Variants in VWDE observed in about 807,000 individuals in gnomAD.
VWDE encodes the protein von Willebrand factor D and EGF domain-containing protein.
VWDE carries 207 observed loss-of-function variants against 178.4 expected under a neutral mutation model. The ratio of observed to expected loss-of-function variants is 1.16; its 90% CI spans 1.04 to 1.30. VWDE has a LOEUF of 1.30. Ranked by LOEUF, VWDE falls within the 50% of genes most tolerant of loss-of-function variation. The probability of loss-of-function intolerance (pLI) is 0.00; values close to 1 mark genes in which losing one functional copy is unlikely to be tolerated. For synonymous variants in VWDE, 738 were observed against 651.4 expected (o/e 1.13, Z -2.02); for missense variants, 2,287 against 1,901.3 (o/e 1.20, Z -3.77).
intron 17 of VWDE, among the ~76,000 whole-genome samples, chr7:12,356,605 C>T (rs73678108): frequency 0.017 from 2,593 of 152,156 alleles, 64 homozygotes; most frequent in African/African-American, 0.06. Context: ...TTCTGTCATG[C>T]AAGTAGAACA....
chr7:12,343,973 A>G (rs1283097945), intron 21 of VWDE, among the ~76,000 whole-genome samples: 37 of 152,122 alleles, frequency 2.4e-4, no homozygotes, highest in Admixed American at 2.4e-3. Flanking sequence ...AATAACAAAT[A>G]AGCTATTGCC....
chr7:12,359,654 T>G lies in VWDE; in HGVS notation c.3198A>C (p.Glu1066Asp), dbSNP rs887034673. ...VCIIDGLCYV[E>D]GDKNPTSPCL... ...AAGGGCTGGTTGGATTTTTGTCTCC[T>G]TCAACATAGCAGAGTCCATCAATAA... Residue 1066 changes from glutamate to aspartate, a missense_variant, in exon 16 of 29, where the codon GAA becomes GAC. Transcript: ENST00000275358. 6.5e-7 allele frequency: 1 copy of G among 1,550,316 alleles called. No individual in the cohort carries two copies. The highest frequency in any genetic ancestry group is 1.4e-5 in the African/African-American group (1 of 72,978).
chr7:12,356,713 T>A (rs922781698), intron 17 of VWDE, among the ~76,000 whole-genome samples: 1 of 152,228 alleles, frequency 6.6e-6, no homozygotes, highest in Non-Finnish European at 1.5e-5. Flanking sequence ...TAATATGGCA[T>A]AGAACGCAGC....
intron 13 of VWDE, among the ~76,000 whole-genome samples, chr7:12,362,903 T>C (rs1327673868): frequency 1.8e-3 from 280 of 152,242 alleles, no homozygotes; most frequent in Non-Finnish European, 3.8e-4. Context: ...ATGTACAGTC[T>C]CGGTTTCTTG....
chr7:12,358,235 A>G (rs899646844), intron 16 of VWDE, among the ~76,000 whole-genome samples: 23 of 152,132 alleles, frequency 1.5e-4, no homozygotes, highest in Admixed American at 1.2e-3. Flanking sequence ...ATTAGCAGGC[A>G]TGGTGGTGGG....
Position 12,343,166 on chromosome 7 carries a change from G to C in VWDE, c.4091C>G (p.Pro1364Arg). 1.3e-6 allele frequency: 2 copies of C among 1,548,190 alleles called. No homozygotes were observed. Among genetic ancestry groups the C allele is most frequent in the Non-Finnish European group, 1.7e-6 (2 of 1,144,736 alleles). The change falls in exon 22 of 29, where the codon CCA becomes CGA. Residue 1364 changes from proline (P) to arginine (R), a missense_variant. Transcript: ENST00000275358. ...GCATGTGCCACCATGTTGACAAGGT[G>C]GGTTACAATGTTCTGCAGAAACAGA... ...GATCDEEHCNPPCQHGGTCLA... is the reference protein window; with the variant it reads ...GATCDEEHCNRPCQHGGTCLA...
chr7:12,388,940 C>A, intron 3 of VWDE, 187 bp downstream of exon 3: 2 of 712,364 alleles, frequency 2.8e-6, no homozygotes, highest in Non-Finnish European at 5.2e-6. Context: ...GGGGACTTTA[C>A]AATCTTGGCA....
chr7:12,340,996 A>C lies in VWDE; in HGVS notation c.4271-579T>G, dbSNP rs1194944252. 2.0e-5 allele frequency among the ~76,000 whole-genome samples: 3 copies of C among 152,130 alleles called. No homozygotes were observed. In the East Asian group the frequency reaches 5.8e-4, roughly 29 times the overall value. On this transcript the variant is annotated intron_variant, in intron 23 of 28. Transcript: ENST00000275358. ...TTATTTTTCACCCTAGATCCTACCC[A>C]TTCACCAACATCTACTACAAATACT...
intron 5 of VWDE, among the ~76,000 whole-genome samples, chr7:12,379,868 G>T (rs1438685784): frequency 1.3e-5 from 2 of 152,120 alleles, no homozygotes; most frequent in Admixed American, 6.5e-5. Context: ...GCCGAGGCGG[G>T]CGGATCACGA....
rs199788847 is a variant in VWDE, at chr7:12,369,547, T to C, written c.2759A>G (p.Tyr920Cys). ...AAACTTTGAGAGTACTTACTTACCA[T>C]AGGAATCACTGCAGTCATAGGAACT... The part of the protein sequence containing the change: ...SFSSYDCSDS[Y>C]DKAPEITELG... Residue 920 changes from tyrosine (Y) to cysteine (C), a missense_variant and splice_region_variant, in exon 12 of 29, where the codon TAT (tyrosine) becomes TGT (cysteine). Tyr to Cys is a radical substitution (Grantham distance 194, BLOSUM62 -2). Transcript: ENST00000275358. 1.1e-3 allele frequency: 1,722 copies of C among 1,524,822 alleles called. 1 individual carries two copies. Among genetic ancestry groups the C allele is most frequent in the Non-Finnish European group, 1.4e-3 (1,636 of 1,129,662 alleles). 94.5% of individuals were successfully genotyped at this position (1,524,822 alleles called of 1,614,324 possible).
rs1421906671 is a variant in VWDE at position 12,370,077 on chromosome 7, C to A, written c.2229G>T (p.Arg743Ser). The change falls in exon 12 of 29, where the codon AGG (arginine) becomes AGT (serine). Residue 743 changes from arginine to serine, a missense_variant. Transcript: ENST00000275358. ...GTTTCCATCTGTTTTGTCGATTGTA[C>A]CTCATTTCTTGGCTGTGGCTTCCCC... is the stretch of plus-strand genomic sequence containing the variant. Reference protein sequence around the residue: ...QGRGSHSQEMRYNRQNRWKRQ... With the variant: ...QGRGSHSQEMSYNRQNRWKRQ... The A allele has an allele frequency of 6.4e-7, 1 of 1,551,520 alleles. No individual in the cohort carries two copies.
chr7:12,370,279 G>C lies in VWDE; in HGVS notation c.2027C>G (p.Thr676Ser). The part of the protein sequence containing the change: ...DVTSEYINSD[T>S]LVREINKHTS... ...ATGCTTGTTTATCTCTCTGACAAGAGTGTCTGAATTAATATATTCGGAGGT... is the reference window on the plus strand; with the variant it reads ...ATGCTTGTTTATCTCTCTGACAAGACTGTCTGAATTAATATATTCGGAGGT... Residue 676 changes from threonine (T) to serine (S), a missense_variant, in exon 12 of 29, where the codon ACT becomes AGT. By Grantham distance (58) the Thr-to-Ser change is moderately conservative. Transcript: ENST00000275358. 1.3e-6 allele frequency: 2 copies of C among 1,551,148 alleles called. No individual in the cohort carries two copies. Among genetic ancestry groups the C allele is most frequent in the Non-Finnish European group, 1.7e-6 (2 of 1,146,854 alleles).
In VWDE at chr7:12,356,204, C is replaced by T. The variant is rs867322591; in HGVS notation, c.3652G>A (p.Asp1218Asn). ...PGFHGSLCEV[D>N]ISGCQSNPCG... ...GGGTTGGATTGGCACCCACTAATGTCCACTTCACAAAGGCTGCCATGGAAG... is the reference window on the plus strand; with the variant it reads ...GGGTTGGATTGGCACCCACTAATGTTCACTTCACAAAGGCTGCCATGGAAG... Residue 1218 changes from aspartate (D) to asparagine (N), a missense_variant, in exon 18 of 29, where the codon GAC (aspartate) becomes AAC (asparagine). By Grantham distance (23) the Asp-to-Asn change is conservative. Transcript: ENST00000275358. 3.9e-6 allele frequency: 6 copies of T among 1,551,410 alleles called. No homozygotes were observed. In the East Asian group the frequency reaches 1.5e-4, roughly 38 times the overall value.
intron 26 of VWDE, among the ~76,000 whole-genome samples, chr7:12,336,679 GA>G (rs58252466): frequency 0.017 from 2,642 of 152,266 alleles, 72 homozygotes; most frequent in African/African-American, 0.061. Context: ...GTGGGGCCAA[GA>G]AGTCAGTAAT....
chr7:12,391,684 G>C (rs1430396656), intron 2 of VWDE, among the ~76,000 whole-genome samples: 2 of 152,122 alleles, frequency 1.3e-5, no homozygotes, highest in Non-Finnish European at 2.9e-5. Context: ...ATGAGACTTA[G>C]CCACAATGCC....
chr7:12,389,188 A>T lies in VWDE; in HGVS notation c.414T>A (p.Cys138Ter), dbSNP rs1265841508. 2 of 1,551,862 alleles carry T rather than the reference A, an allele frequency of 1.3e-6. No homozygotes were observed. Among genetic ancestry groups the T allele is most frequent in the Non-Finnish European group, 1.7e-6 (2 of 1,147,016 alleles). The part of the protein sequence containing the change: ...LFQIPVSVRN[C>*]GNFSVYLLQP... ...GTAGTAAGTATACAGAAAAGTTCCCACAGTTTCTTACAGACACTGGGATTT... is the reference window on the plus strand; with the variant it reads ...GTAGTAAGTATACAGAAAAGTTCCCTCAGTTTCTTACAGACACTGGGATTT... Residue 138 changes from cysteine (C) to a stop codon, truncating the protein, a stop_gained, in exon 3 of 29, where the codon TGT (cysteine) becomes TGA (stop). Coordinates refer to ENST00000275358, the MANE Select transcript of VWDE (RefSeq NM_001135924.3). LOFTEE classifies it high-confidence loss of function.
At chr7:12,365,450 AG>A (rs1174745515) in intron 13 of VWDE, among the ~76,000 whole-genome samples, 2 of 152,246 alleles carry the variant, frequency 1.3e-5, no homozygotes, top group African/African-American at 4.8e-5. Context: ...TAAAATGGGA[AG>A]TCATTAAGGA....
chr7:12,331,286 C>T, intron 28 of VWDE, 89 bp from the exon 29 acceptor site: 1 of 1,085,404 alleles, frequency 9.2e-7, no homozygotes, highest in Non-Finnish European at 1.3e-6. Context: ...TTCCCTCTGA[C>T]ATGATACGTA....
At chr7:12,382,308 T>A (rs1445939379) in intron 4 of VWDE, among the ~76,000 whole-genome samples, 1 of 151,884 alleles carries the variant, frequency 6.6e-6, no homozygotes, top group African/African-American at 2.4e-5. Flanking sequence ...TTATATCTAT[T>A]ATGCAGAGTA....
Sources: allele counts gnomAD v4.1 joint callset (sites outside exome capture counted in the v4.1 genomes callset), GRCh38; gene constraint gnomAD v4.1.1; transcripts MANE v1.5; gene names NCBI Gene and HGNC (gene_info 2026-07-23, HGNC 2026-07-21).